ECT2: variants seen among roughly 807,000 people sequenced by gnomAD.
The protein encoded by ECT2 is protein ECT2.
In ECT2, 61 loss-of-function variants were observed where a neutral mutation model predicts 116.9. That is an observed-to-expected ratio of 0.52 (90% confidence interval 0.42 to 0.65). ECT2 has a LOEUF of 0.65. Ranked by LOEUF, ECT2 falls within the 30% of genes least tolerant of loss-of-function variation. The pLI is 0.00. For synonymous variants in ECT2, 358 were observed against 346.4 expected (o/e 1.03, Z -0.37); for missense variants, 937 against 1,078.7 (o/e 0.87, Z 1.84).
chr3:172,768,032 G>A lies in ECT2; in HGVS notation c.1292-975G>A, dbSNP rs112313812. Among the ~76,000 whole-genome samples, 1,261 of 152,034 alleles carry A rather than the reference G, an allele frequency of 8.3e-3. 15 individuals carry two copies. Among genetic ancestry groups the A allele is most frequent in the South Asian group, 0.045 (218 of 4,820 alleles). On this transcript the variant is annotated intron_variant, in intron 12 of 24. Transcript: ENST00000392692. The stretch of plus-strand genomic sequence containing the variant: ...CAGGAGTGAGCCACCGTGCCTGGCC[G>A]CAAATTTTTTTCTTTCATGAAATGT...
chr3:172,768,893 T>A, intron 12 of ECT2, 114 bp from the exon 13 acceptor site: 1 of 1,217,404 alleles, frequency 8.2e-7, no homozygotes, highest in Non-Finnish European at 1.1e-6. Context: ...GAAATCTGTA[T>A]GGTGGTACAT....
chr3:172,760,238 A>ATTT lies in ECT2; in HGVS notation c.661_662insTTT (p.Asn220_Cys221insPhe). The ATTT allele has an allele frequency of 6.2e-7, 1 of 1,611,438 alleles. No homozygotes were observed. Among genetic ancestry groups the ATTT allele is most frequent in the Middle Eastern group, 1.7e-4 (1 of 5,996 alleles). ...TCAAAAGTTACACATTTGGTGGCAA[A>ATTT]TTGTACACAAGGAGAAAAATTCAGG... On this transcript the variant is annotated inframe_insertion, in exon 7 of 25. Coordinates refer to ENST00000392692, the MANE Select transcript of ECT2 (RefSeq NM_001258315.2).
chr3:172,766,682 A>C (rs1180085062), intron 12 of ECT2, among the ~76,000 whole-genome samples: 1 of 152,160 alleles, frequency 6.6e-6, no homozygotes, highest in African/African-American at 2.4e-5. Flanking sequence ...ATGGATAGGA[A>C]ATTTATATTT....
chr3:172,767,084 T>G (rs1225297550), intron 12 of ECT2, among the ~76,000 whole-genome samples: 1 of 152,252 alleles, frequency 6.6e-6, no homozygotes, highest in Non-Finnish European at 1.5e-5. Context: ...CTTCTGGGTC[T>G]GGTGAGTGTA....
At chr3:172,799,040 T>C (rs1239664574) in intron 18 of ECT2, among the ~76,000 whole-genome samples, 1 of 152,210 alleles carries the variant, frequency 6.6e-6, no homozygotes, top group African/African-American at 2.4e-5. Context: ...AAATCTGAAA[T>C]TTTTATGTGA....
chr3:172,780,805 G>A (rs1258564673), intron 14 of ECT2, among the ~76,000 whole-genome samples: 1 of 152,036 alleles, frequency 6.6e-6, no homozygotes, highest in Non-Finnish European at 1.5e-5. Flanking sequence ...GATGATTAAT[G>A]ATAAGTGTCT....
the ECT2 span, chr3:172,829,100 C>T: frequency 1.5e-6 from 1 of 686,360 alleles, no homozygotes; most frequent in Non-Finnish European, 2.7e-6. Flanking sequence ...GAGGCAGACA[C>T]AGGCCTGGTT....
rs1209027915 is a variant in ECT2, at chr3:172,783,794, C to A, written c.1618-5C>A. On this transcript the variant is annotated splice_region_variant and splice_polypyrimidine_tract_variant and intron_variant, in intron 15 of 24. Coordinates refer to ENST00000392692, the MANE Select transcript of ECT2 (RefSeq NM_001258315.2). ...AAATAATGTTTTTTTCCCTTTTCTT[C>A]CTAGTCAAAAGATTTGGTAAAAACC... The A allele has an allele frequency of 4.5e-6, 7 of 1,548,628 alleles. No individual in the cohort carries two copies. Among genetic ancestry groups the A allele is most frequent in the Non-Finnish European group, 6.2e-6 (7 of 1,126,352 alleles).
intron 11 of ECT2, among the ~76,000 whole-genome samples, chr3:172,763,399 C>T (rs962824723): frequency 1.3e-5 from 2 of 152,124 alleles, no homozygotes; most frequent in African/African-American, 2.4e-5. Flanking sequence ...TAAGGACATT[C>T]GTTAGAACCC....
At position 172,754,562 on chromosome 3, in the gene ECT2, C is replaced by G. The variant is rs1716577978; in HGVS notation, c.32C>G (p.Thr11Ser). ...GAAAATAGTGTATTAACATCCACTA[C>G]TGGGAGGACTAGCTTGGCAGACTCT... MAENSVLTST[T>S]GRTSLADSSI... The change falls in exon 2 of 25, where the codon ACT (threonine) becomes AGT (serine). Residue 11 changes from threonine to serine, a missense_variant. Thr to Ser is a moderately conservative substitution (Grantham distance 58, BLOSUM62 1). Transcript: ENST00000392692. The G allele has an allele frequency of 6.2e-7, 1 of 1,610,630 alleles. No homozygotes were observed. Among genetic ancestry groups the G allele is most frequent in the Non-Finnish European group, 8.5e-7 (1 of 1,178,388 alleles).
intron 12 of ECT2, among the ~76,000 whole-genome samples, chr3:172,766,801 T>G (rs1719480289): frequency 6.6e-6 from 1 of 152,142 alleles, no homozygotes; most frequent in African/African-American, 2.4e-5. Context: ...CATGATTAGA[T>G]CTGAGAATGT....
chr3:172,764,834 A>G (rs1719019230), intron 12 of ECT2, among the ~76,000 whole-genome samples: 1 of 152,242 alleles, frequency 6.6e-6, no homozygotes, highest in Admixed American at 6.5e-5. Flanking sequence ...AAAAGCAAAC[A>G]AAGTCACAGG....
At chr3:172,781,208 C>G (rs1722636277) in intron 14 of ECT2, among the ~76,000 whole-genome samples, 1 of 152,066 alleles carries the variant, frequency 6.6e-6, no homozygotes, top group Non-Finnish European at 1.5e-5. Flanking sequence ...ATTTCCCAAA[C>G]AAAAATAATT....
At chr3:172,785,327 G>T (rs59079179) in intron 17 of ECT2, among the ~76,000 whole-genome samples, 9,333 of 152,024 alleles carry the variant, frequency 0.061, 963 homozygotes, top group African/African-American at 0.21. Context: ...TTTGCCTGTG[G>T]TAAAAAATGT....
Position 172,773,901 on chromosome 3 carries a change from A to G in ECT2, c.1429-2A>G. ...CTTAAACTAGTCTTTTTTCTCATTT[A>G]GTTATTTCAAGTACCATTGGAAGAG... On this transcript the variant is annotated splice_acceptor_variant, in intron 13 of 24. Coordinates refer to ENST00000392692, the MANE Select transcript of ECT2 (RefSeq NM_001258315.2). LOFTEE classifies it high-confidence loss of function. 6.2e-7 allele frequency: 1 copy of G among 1,611,518 alleles called. No homozygotes were observed. The highest frequency in any genetic ancestry group is 8.5e-7 in the Non-Finnish European group (1 of 1,178,720).
rs1313190961 is a variant in ECT2, at chr3:172,754,642, T to C, written c.112T>C (p.Ser38Pro). 20 of 1,609,536 alleles carry C rather than the reference T, an allele frequency of 1.2e-5. No homozygotes were observed. The highest frequency in any genetic ancestry group is 2.2e-5 in the East Asian group (1 of 44,764). The change falls in exon 2 of 25, where the codon TCT becomes CCT. Residue 38 changes from serine to proline, a missense_variant. Physicochemically the swap from Ser to Pro is moderately conservative, Grantham distance 74. Coordinates refer to ENST00000392692, the MANE Select transcript of ECT2 (RefSeq NM_001258315.2). ...TTCCAAGGAAAACTTACTTATTGGA[T>C]CTACTTCATATGTAGAAGGTAAACC... ...EISKENLLIGSTSYVEEEMPQ... is the reference protein window; with the variant it reads ...EISKENLLIGPTSYVEEEMPQ...
Position 172,786,565 on chromosome 3 carries a change from A to G in ECT2, c.1898A>G (p.Glu633Gly). 2 of 1,606,830 alleles carry G rather than the reference A, an allele frequency of 1.2e-6. No homozygotes were observed. Among genetic ancestry groups the G allele is most frequent in the Non-Finnish European group, 1.7e-6 (2 of 1,174,502 alleles). ...TLEKAIGSLK[E>G]VMTHINEDKR... ...GAAAAAGCTATTGGATCACTGAAGGAAGTAATGACGTAAGTGCATTATTTT... is the reference window on the plus strand; with the variant it reads ...GAAAAAGCTATTGGATCACTGAAGGGAGTAATGACGTAAGTGCATTATTTT... Residue 633 changes from glutamate (E) to glycine (G), a missense_variant, in exon 18 of 25, where the codon GAA becomes GGA. By Grantham distance (98) the Glu-to-Gly change is moderately conservative. Coordinates refer to ENST00000392692, the MANE Select transcript of ECT2 (RefSeq NM_001258315.2).
At chr3:172,793,953 T>G (rs1447920450) in intron 18 of ECT2, among the ~76,000 whole-genome samples, 1 of 152,208 alleles carries the variant, frequency 6.6e-6, no homozygotes, top group African/African-American at 2.4e-5. Context: ...GTGTTTTTTT[T>G]GTAATTGAAT....
intron 5 of ECT2, among the ~76,000 whole-genome samples, chr3:172,758,507 T>C (rs546166155): frequency 1.4e-5 from 2 of 138,592 alleles, no homozygotes; most frequent in African/African-American, 5.9e-5. Context: ...ACACAACCGT[T>C]GGGTAAATTA....
Sources: gnomAD v4.1 joint callset for allele counts (sites outside exome capture counted in the v4.1 genomes callset) on GRCh38, gnomAD v4.1.1 for gene constraint, MANE v1.5 for transcripts, NCBI Gene and HGNC (gene_info 2026-07-23, HGNC 2026-07-21) for gene names.